Variants in ALK observed in about 807,000 individuals in gnomAD.
ALK encodes ALK receptor tyrosine kinase, also known as ALK tyrosine kinase receptor.
In ALK, 74 loss-of-function variants were observed where a neutral mutation model predicts 163.1. That is an observed-to-expected ratio of 0.45 (90% CI 0.38 to 0.55). The LOEUF (loss-of-function observed/expected upper bound fraction) is 0.55. Ranked by LOEUF, ALK falls within the 20% of genes least tolerant of loss-of-function variation. The pLI is 0.00. For missense variants in ALK, 2,063 were observed against 2,105.3 expected, an observed-to-expected ratio of 0.98 and a Z score of 0.39; for synonymous variants, 960 against 843.2, an observed-to-expected ratio of 1.14 and a Z score of -2.40.
At chr2:29,912,292 A>G (rs1667725186) in intron 1 of ALK, among the ~76,000 whole-genome samples, 1 of 152,198 alleles carries the variant, frequency 6.6e-6, no homozygotes, top group Non-Finnish European at 1.5e-5. Context: ...AACCATGCAG[A>G]GATACATCAT....
intron 1 of ALK, among the ~76,000 whole-genome samples, chr2:29,746,200 C>T (rs1680203966): frequency 6.6e-6 from 1 of 152,154 alleles, no homozygotes; most frequent in Non-Finnish European, 1.5e-5. Flanking sequence ...CTGTTTGACT[C>T]CACAGCCTGC....
intron 9 of ALK, among the ~76,000 whole-genome samples, chr2:29,278,609 G>T (rs1239010753): frequency 1.3e-5 from 2 of 152,224 alleles, no homozygotes; most frequent in African/African-American, 4.8e-5. Context: ...CCTGGACAAA[G>T]CCCAAGCCTG....
intron 3 of ALK, among the ~76,000 whole-genome samples, chr2:29,576,445 A>G (rs1441935384): frequency 1.3e-5 from 2 of 152,192 alleles, no homozygotes; most frequent in South Asian, 2.1e-4. Context: ...CTCAACTGTC[A>G]ATGCCAACTT....
chr2:29,889,457 C>T (rs1667077117), intron 1 of ALK, among the ~76,000 whole-genome samples: 1 of 151,856 alleles, frequency 6.6e-6, no homozygotes, highest in African/African-American at 2.4e-5. Context: ...AATTATCATT[C>T]CCACAGGATC....
chr2:29,406,823 C>T (rs1173977610), intron 4 of ALK, among the ~76,000 whole-genome samples: 3 of 148,534 alleles, frequency 2.0e-5, no homozygotes, highest in Non-Finnish European at 4.4e-5. Flanking sequence ...GGCTTGAACC[C>T]GGGAGGTGGA....
chr2:29,429,678 T>A (rs1277588033), intron 4 of ALK, among the ~76,000 whole-genome samples: 1 of 152,100 alleles, frequency 6.6e-6, no homozygotes, highest in Admixed American at 6.6e-5. Context: ...AGATTAAATA[T>A]AATCCCTATC....
intron 5 of ALK, among the ~76,000 whole-genome samples, chr2:29,366,381 C>T (rs561770053): frequency 3.3e-5 from 5 of 152,096 alleles, no homozygotes; most frequent in Non-Finnish European, 5.9e-5. Context: ...AGCACTGGAC[C>T]GCTTTGGTAG....
At chr2:29,342,053 A>G (rs1400634973) in intron 5 of ALK, among the ~76,000 whole-genome samples, 1 of 152,194 alleles carries the variant, frequency 6.6e-6, no homozygotes, top group Non-Finnish European at 1.5e-5. Context: ...CATTTTTTGA[A>G]TGTGTTATCT....
chr2:29,919,047 C>G (rs747530818), intron 1 of ALK, among the ~76,000 whole-genome samples: 1 of 152,104 alleles, frequency 6.6e-6, no homozygotes, highest in Non-Finnish European at 1.5e-5. Context: ...GAAGTAAGTG[C>G]CTGCACACAC....
At chr2:29,535,245 T>C (rs1673222438) in intron 3 of ALK, among the ~76,000 whole-genome samples, 1 of 152,234 alleles carries the variant, frequency 6.6e-6, no homozygotes, top group Non-Finnish European at 1.5e-5. Flanking sequence ...CAAAGAGCTC[T>C]GCTCATACAG....
intron 4 of ALK, among the ~76,000 whole-genome samples, chr2:29,517,921 C>G (rs1303863717): frequency 1.3e-5 from 2 of 152,200 alleles, no homozygotes; most frequent in Non-Finnish European, 2.9e-5. Flanking sequence ...TCCTCCTTCA[C>G]CTGTCTTTAC....
intron 4 of ALK, among the ~76,000 whole-genome samples, chr2:29,514,510 A>G (rs970657867): frequency 2.0e-5 from 3 of 152,188 alleles, no homozygotes; most frequent in African/African-American, 7.2e-5. Flanking sequence ...CTGCATGCCA[A>G]CAACTCCTGG....
At chr2:29,884,592 A>G (rs910908728) in intron 1 of ALK, among the ~76,000 whole-genome samples, 3 of 152,250 alleles carry the variant, frequency 2.0e-5, no homozygotes, top group Non-Finnish European at 2.9e-5. Context: ...TTGTTATAAG[A>G]AAGCCATACC....
intron 8 of ALK, among the ~76,000 whole-genome samples, chr2:29,312,302 T>C (rs888108190): frequency 2.6e-5 from 4 of 151,910 alleles, no homozygotes; most frequent in South Asian, 2.1e-4. Context: ...GCATGTTTCA[T>C]ATCTCCTCTC....
At chr2:29,725,627 T>C (rs1679548359) in intron 1 of ALK, among the ~76,000 whole-genome samples, 1 of 152,160 alleles carries the variant, frequency 6.6e-6, no homozygotes, top group African/African-American at 2.4e-5. Flanking sequence ...GTTGTTTATG[T>C]TGATTTCTTT....
chr2:29,549,137 TACACACAC>T (rs58557380), intron 3 of ALK, among the ~76,000 whole-genome samples: 11 of 149,670 alleles, frequency 7.3e-5, no homozygotes, highest in Admixed American at 2.0e-4. Flanking sequence ...GATCTACAGG[TACACACAC>T]ACACACACAC....
chr2:29,756,683 C>T (rs1318661097), intron 1 of ALK, among the ~76,000 whole-genome samples: 2 of 152,134 alleles, frequency 1.3e-5, no homozygotes, highest in African/African-American at 2.4e-5. Flanking sequence ...CGCACCACCA[C>T]GACTGGCTAA....
intron 5 of ALK, among the ~76,000 whole-genome samples, chr2:29,344,967 G>C (rs977124505): frequency 3.9e-5 from 6 of 152,240 alleles, no homozygotes; most frequent in African/African-American, 1.2e-4. Flanking sequence ...TGTGTGAAGT[G>C]ATGGTCAGAT....
At chr2:29,378,404 C>A (rs1468365811) in intron 5 of ALK, among the ~76,000 whole-genome samples, 1 of 152,110 alleles carries the variant, frequency 6.6e-6, no homozygotes, top group Non-Finnish European at 1.5e-5. Context: ...ATCTTCTGTG[C>A]AAACTGCAAG....
Sources: allele counts gnomAD v4.1 joint callset (sites outside exome capture counted in the v4.1 genomes callset), GRCh38; gene constraint gnomAD v4.1.1; transcripts MANE v1.5; gene names NCBI Gene and HGNC (gene_info 2026-07-23, HGNC 2026-07-21).